The following TFEC variants were observed in gnomAD, a reference collection of about 807,000 sequenced individuals.
TFEC encodes class E basic helix-loop-helix protein 34.
TFEC carries 31 observed loss-of-function variants against 41.6 expected under a neutral mutation model. The ratio of observed to expected loss-of-function variants is 0.74; its 90% confidence interval spans 0.56 to 1.01. The LOEUF (loss-of-function observed/expected upper bound fraction) is 1.01. Among genes scored for constraint, TFEC ranks in the 50% least tolerant of loss-of-function variants. The probability of loss-of-function intolerance (pLI) is 0.00; values close to 1 mark genes in which losing one functional copy is unlikely to be tolerated. For synonymous variants in TFEC, 143 were observed against 140.6 expected (o/e 1.02, Z -0.12); for missense variants, 402 against 404.1 (o/e 0.99, Z 0.04).
At chr7:116,095,919 T>C (rs1457149076) in intron 3 of TFEC, among the ~76,000 whole-genome samples, 1 of 152,198 alleles carries the variant, frequency 6.6e-6, no homozygotes, top group African/African-American at 2.4e-5. Flanking sequence ...TATCCTTCTT[T>C]GTCTTGGCTT....
Position 115,968,177 on chromosome 7 carries a change from T to G in TFEC, c.267+5993A>C, listed in dbSNP as rs1191005100. On this transcript the variant is annotated intron_variant, in intron 3 of 7. Coordinates refer to ENST00000265440, the MANE Select transcript of TFEC (RefSeq NM_012252.4). ...ACACTGAAAGAATTCCAAAATATAC[T>G]TGCTCACCAGTTTTAACTTTGAAGT... 2.0e-6 allele frequency: 3 copies of G among 1,525,824 alleles called. No individual in the cohort carries two copies. In the Admixed American group the frequency reaches 6.0e-5, roughly 31 times the overall value. The allele number at this position is 1,525,824 out of a possible 1,614,324, so 94.5% of individuals were successfully genotyped here. A position where few individuals can be genotyped will look rare whatever the true frequency, so the allele number is the denominator to read the frequency against.
intron 3 of TFEC, among the ~76,000 whole-genome samples, chr7:116,090,734 A>C (rs577736195): frequency 1.6e-4 from 25 of 152,268 alleles, no homozygotes; most frequent in Middle Eastern, 3.4e-3. Context: ...ACAATCTAAT[A>C]AGACATAGAT....
At chr7:115,978,454 T>G (rs1010423052) in intron 2 of TFEC, among the ~76,000 whole-genome samples, 1 of 152,184 alleles carries the variant, frequency 6.6e-6, no homozygotes, top group Non-Finnish European at 1.5e-5. Context: ...ATCCATGATC[T>G]TACTCATCAA....
At chr7:116,060,289 C>A (rs555919882) in intron 3 of TFEC, among the ~76,000 whole-genome samples, 376 of 152,098 alleles carry the variant, frequency 2.5e-3, no homozygotes, top group Non-Finnish European at 4.0e-3. Context: ...TCAACCATTG[C>A]GGAAAGCAGT....
intron 1 of TFEC, among the ~76,000 whole-genome samples, chr7:116,118,367 T>C (rs1057062623): frequency 2.6e-5 from 4 of 151,932 alleles, no homozygotes; most frequent in Admixed American, 1.3e-4. Context: ...TCAAATGTTT[T>C]CTCAAAGTTT....
At chr7:116,117,019 GAA>G (rs1461356822) in intron 1 of TFEC, among the ~76,000 whole-genome samples, 1 of 151,620 alleles carries the variant, frequency 6.6e-6, no homozygotes, top group Non-Finnish European at 1.5e-5. Flanking sequence ...AAAATAAACA[GAA>G]AAAGAGGATT....
intron 1 of TFEC, among the ~76,000 whole-genome samples, chr7:116,148,843 G>C (rs1798696681): frequency 6.6e-6 from 1 of 151,750 alleles, no homozygotes; most frequent in South Asian, 2.1e-4. Flanking sequence ...ATTCACATAG[G>C]GTCGCTAATT....
At chr7:115,971,172 C>G (rs1434358288) in intron 3 of TFEC, among the ~76,000 whole-genome samples, 1 of 151,970 alleles carries the variant, frequency 6.6e-6, no homozygotes, top group Non-Finnish European at 1.5e-5. Flanking sequence ...AGCCACAGCT[C>G]TAGGGTAGGC....
At chr7:116,073,406 T>C (rs1180406977) in intron 3 of TFEC, among the ~76,000 whole-genome samples, 92 of 151,826 alleles carry the variant, frequency 6.1e-4, no homozygotes, top group Non-Finnish European at 1.5e-5. Flanking sequence ...AAAATTGTTT[T>C]AATTAATGAT....
At chr7:116,088,648 C>T (rs1034955205) in intron 3 of TFEC, among the ~76,000 whole-genome samples, 4 of 151,950 alleles carry the variant, frequency 2.6e-5, no homozygotes, top group Non-Finnish European at 4.4e-5. Context: ...TTTATATAAG[C>T]TAATGTTAAA....
At chr7:116,061,029 A>C (rs1269486888) in intron 3 of TFEC, among the ~76,000 whole-genome samples, 1 of 152,172 alleles carries the variant, frequency 6.6e-6, no homozygotes, top group Non-Finnish European at 1.5e-5. Context: ...AATGTTACTA[A>C]GATGTCAAAA....
At chr7:116,081,901 C>G (rs1183656523) in intron 3 of TFEC, among the ~76,000 whole-genome samples, 6 of 151,960 alleles carry the variant, frequency 3.9e-5, no homozygotes, top group Non-Finnish European at 7.4e-5. Flanking sequence ...TTAATGTTTA[C>G]CTCTCAAGAC....
intron 3 of TFEC, among the ~76,000 whole-genome samples, chr7:115,962,981 C>A (rs1792642479): frequency 6.6e-6 from 1 of 151,800 alleles, no homozygotes; most frequent in Non-Finnish European, 1.5e-5. Context: ...AGGTATTTCT[C>A]CTAATGCTAT....
chr7:116,079,212 T>C (rs10267746), intron 3 of TFEC, among the ~76,000 whole-genome samples: 79,043 of 151,814 alleles, frequency 0.52, 21,582 homozygotes, highest in East Asian at 0.8. Flanking sequence ...TACAAACCCA[T>C]AGCCAACACA....
intron 6 of TFEC, among the ~76,000 whole-genome samples, chr7:115,947,604 T>A (rs1441790905): frequency 1.3e-5 from 2 of 151,488 alleles, no homozygotes; most frequent in South Asian, 4.4e-4. Flanking sequence ...TTTTTAATGA[T>A]TGCCATTCTA....
At chr7:116,083,781 A>G (rs1372193086) in intron 3 of TFEC, among the ~76,000 whole-genome samples, 1 of 151,968 alleles carries the variant, frequency 6.6e-6, no homozygotes, top group Admixed American at 6.6e-5. Context: ...TTCATTCAGA[A>G]GAAATCTGCT....
chr7:116,134,737 A>G (rs1798402925), intron 1 of TFEC, among the ~76,000 whole-genome samples: 1 of 152,184 alleles, frequency 6.6e-6, no homozygotes, highest in South Asian at 2.1e-4. Flanking sequence ...TACACATCTT[A>G]CAAATATGTT....
chr7:115,980,219 T>A (rs1234268302), intron 2 of TFEC, among the ~76,000 whole-genome samples: 1 of 152,162 alleles, frequency 6.6e-6, no homozygotes, highest in East Asian at 1.9e-4. Context: ...TCCTGCAAAA[T>A]TTTTCCTTTC....
intron 1 of TFEC, 68 bp from the exon 2 acceptor site, chr7:115,984,581 C>T: frequency 6.5e-7 from 1 of 1,536,416 alleles, no homozygotes; most frequent in Admixed American, 1.9e-5. Context: ...CTCCTTTCCA[C>T]AATTGCACTA....
Sources: allele counts gnomAD v4.1 joint callset (sites outside exome capture counted in the v4.1 genomes callset), GRCh38; gene constraint gnomAD v4.1.1; transcripts MANE v1.5; gene names NCBI Gene and HGNC (gene_info 2026-07-23, HGNC 2026-07-21).